Variants in CALCRL observed in about 807,000 individuals in gnomAD.
CALCRL encodes calcitonin receptor like receptor, also known as calcitonin gene-related peptide type 1 receptor.
In CALCRL, 27 loss-of-function variants were observed where a neutral mutation model predicts 60.4. The observed-to-expected ratio is 0.45, with a 90% CI of 0.33 to 0.62. The LOEUF (loss-of-function observed/expected upper bound fraction) is 0.62, where lower values mean the gene tolerates loss of function less well. Ranked by LOEUF, CALCRL falls within the 20% of genes least tolerant of loss-of-function variation. CALCRL has a pLI of 0.03. For missense variants in CALCRL, 424 were observed against 540.7 expected, an observed-to-expected ratio of 0.78 and a Z score of 2.14; for synonymous variants, 190 against 182.6, an observed-to-expected ratio of 1.04 and a Z score of -0.33.
chr2:187,422,635 C>T (rs1415273973), intron 1 of CALCRL, among the ~76,000 whole-genome samples: 1 of 151,988 alleles, frequency 6.6e-6, no homozygotes, highest in East Asian at 1.9e-4. Context: ...AAGTTCAACA[C>T]ATAAGAAAAT....
intron 1 of CALCRL, among the ~76,000 whole-genome samples, chr2:187,391,248 T>C (rs1278452652): frequency 3.9e-5 from 6 of 152,206 alleles, no homozygotes. Context: ...TATTTAGCTT[T>C]TTCTAAATAT....
chr2:187,393,263 A>C (rs1265907409), intron 1 of CALCRL, among the ~76,000 whole-genome samples: 1 of 152,078 alleles, frequency 6.6e-6, no homozygotes. Context: ...AGGAACCTGC[A>C]TGTTTAGTAA....
chr2:187,416,765 GTA>G (rs945965425), intron 1 of CALCRL, among the ~76,000 whole-genome samples: 2 of 151,994 alleles, frequency 1.3e-5, no homozygotes, highest in African/African-American at 4.8e-5. Flanking sequence ...GTAATTCAAT[GTA>G]TATGTTTCTC....
chr2:187,426,055 T>G (rs1511880), intron 1 of CALCRL, among the ~76,000 whole-genome samples: 151,582 of 151,712 alleles, frequency 1, 75,726 homozygotes, highest in Middle Eastern at 1. Context: ...CTATTAAAAT[T>G]TATTTTTATA....
intron 1 of CALCRL, among the ~76,000 whole-genome samples, chr2:187,414,575 C>A (rs1689515059): frequency 6.6e-6 from 1 of 152,054 alleles, no homozygotes; most frequent in Non-Finnish European, 1.5e-5. Context: ...AATGCCTAAA[C>A]TCAAAGTATA....
At chr2:187,366,400 T>G (rs1233235062) in intron 8 of CALCRL, among the ~76,000 whole-genome samples, 2 of 151,952 alleles carry the variant, frequency 1.3e-5, no homozygotes, top group African/African-American at 4.8e-5. Flanking sequence ...TAAAGATAGC[T>G]AGAAGAAGAA....
intron 3 of CALCRL, among the ~76,000 whole-genome samples, chr2:187,386,133 A>AGATAGATAGACAGAT (rs150581356): frequency 6.6e-6 from 1 of 151,496 alleles, no homozygotes; most frequent in African/African-American, 2.4e-5. Context: ...AACTTCTTAT[A>AGATAGATAGACAGAT]GATAGATAGA....
intron 1 of CALCRL, among the ~76,000 whole-genome samples, chr2:187,414,345 T>C (rs1053413377): frequency 6.6e-6 from 1 of 152,114 alleles, no homozygotes; most frequent in Non-Finnish European, 1.5e-5. Flanking sequence ...TCAATAGTAG[T>C]CAACCCTACT....
At chr2:187,354,002 G>A (rs761539990) in intron 12 of CALCRL, among the ~76,000 whole-genome samples, 1 of 151,834 alleles carries the variant, frequency 6.6e-6, no homozygotes, top group East Asian at 1.9e-4. Flanking sequence ...GAATGAATTG[G>A]ATGCTATTTT....
intron 1 of CALCRL, among the ~76,000 whole-genome samples, chr2:187,396,617 A>G (rs1347990237): frequency 1.3e-5 from 2 of 151,802 alleles, no homozygotes; most frequent in African/African-American, 4.8e-5. Flanking sequence ...TTAAAAAAAG[A>G]AAATTATTAC....
At chr2:187,372,902 A>G (rs762594559) in intron 8 of CALCRL, among the ~76,000 whole-genome samples, 1 of 152,146 alleles carries the variant, frequency 6.6e-6, no homozygotes, top group African/African-American at 2.4e-5. Flanking sequence ...TTCAAATTCA[A>G]TATTTTCTGA....
rs1286385152 is a variant in CALCRL at position 187,351,761 on chromosome 2, A to T, written c.1170+159T>A. On this transcript the variant is annotated intron_variant, in intron 14 of 14. Transcript: ENST00000392370. ...ACCTGAGCATTTGAGAAGGAGAGTT[A>T]AACCTATGGTAAGAGATTCTATGGT... is the stretch of plus-strand genomic sequence containing the variant. 2.0e-5 allele frequency among the ~76,000 whole-genome samples: 3 copies of T among 151,886 alleles called. No homozygotes were observed. In the Admixed American group the frequency reaches 2.0e-4, roughly 10 times the overall value.
In CALCRL at chr2:187,356,196, T is replaced by C. The variant is rs184226978; in HGVS notation, c.909+2867A>G. ...AAAAAAGAGCCTGTATAGCCAAGACTAAGCAATCCTAAACAAAAAGAACAA... is the reference window on the plus strand; with the variant it reads ...AAAAAAGAGCCTGTATAGCCAAGACCAAGCAATCCTAAACAAAAAGAACAA... On this transcript the variant is annotated intron_variant, in intron 12 of 14. Coordinates refer to ENST00000392370, the MANE Select transcript of CALCRL (RefSeq NM_005795.6). Among the ~76,000 whole-genome samples, 680 of 151,896 alleles carry C rather than the reference T, an allele frequency of 4.5e-3. 5 individuals are homozygous for C. The highest frequency in any genetic ancestry group is 0.016 in the African/African-American group (646 of 41,490).
At chr2:187,375,230 C>G (rs547783846) in intron 8 of CALCRL, among the ~76,000 whole-genome samples, 1 of 146,840 alleles carries the variant, frequency 6.8e-6, no homozygotes, top group Non-Finnish European at 1.5e-5. Flanking sequence ...CGAGATTGCG[C>G]CACTGCAGTC....
intron 12 of CALCRL, 124 bp from the exon 13 acceptor site, chr2:187,352,456 GTAT>G (rs1686576207): frequency 1.7e-6 from 1 of 604,648 alleles, no homozygotes; most frequent in Non-Finnish European, 2.9e-6. Context: ...TTTTTAAAGG[GTAT>G]TATTGCCTAA....
intron 5 of CALCRL, 26 bp downstream of exon 5, chr2:187,383,147 A>AC: frequency 6.2e-7 from 1 of 1,602,952 alleles, no homozygotes; most frequent in Non-Finnish European, 8.5e-7. Context: ...TGTCAAATGC[A>AC]TTTACAACTA....
At position 187,343,891 on chromosome 2, in the gene CALCRL, C is replaced by T. The variant is rs1282930132; in HGVS notation, c.*2293G>A. The T allele has an allele frequency of 6.6e-6, 1 of 151,568 alleles. No individual in the cohort carries two copies. The highest frequency in any genetic ancestry group is 2.4e-5 in the African/African-American group (1 of 41,388). The allele number at this position is 151,568 out of a possible 1,614,324, so 9.4% of individuals were successfully genotyped here. ...TGAATGACTGCTACGCCTCAAGACT[C>T]TACAACAGACAAACCCTGGCTATAA... On this transcript the variant is annotated 3_prime_UTR_variant, in exon 15 of 15. Transcript: ENST00000392370.
intron 1 of CALCRL, among the ~76,000 whole-genome samples, chr2:187,426,246 T>A (rs997605143): frequency 1.2e-4 from 18 of 151,556 alleles, no homozygotes; most frequent in Admixed American, 9.2e-4. Flanking sequence ...TTTATTATTT[T>A]TTTTTTTTGC....
intron 5 of CALCRL, 57 bp from the exon 6 acceptor site, chr2:187,380,844 CAT>C (rs1200623975): frequency 2.9e-6 from 4 of 1,377,064 alleles, no homozygotes; most frequent in Non-Finnish European, 3.1e-6. Flanking sequence ...TACATGAAGA[CAT>C]AGTTTTAAAA....
Sources: gnomAD v4.1 joint callset for allele counts (sites outside exome capture counted in the v4.1 genomes callset) on GRCh38, gnomAD v4.1.1 for gene constraint, MANE v1.5 for transcripts, NCBI Gene and HGNC (gene_info 2026-07-23, HGNC 2026-07-21) for gene names.